Variants in SLC22A15 observed in about 807,000 individuals in gnomAD.
SLC22A15 encodes flipt 1.
SLC22A15 carries 45 observed loss-of-function variants against 62.7 expected under a neutral mutation model. The observed-to-expected ratio is 0.72, with a 90% CI of 0.56 to 0.92. The LOEUF is 0.92. Among genes scored for constraint, SLC22A15 ranks in the 40% least tolerant of loss-of-function variants. The probability of loss-of-function intolerance (pLI) is 0.00; values close to 1 mark genes in which losing one functional copy is unlikely to be tolerated. For synonymous variants in SLC22A15, 264 were observed against 267.0 expected (o/e 0.99, Z 0.11); for missense variants, 622 against 665.6 (o/e 0.93, Z 0.72).
Position 116,067,039 on chromosome 1 carries a change from T to C in SLC22A15, c.1575T>C (p.Ser525=), listed in dbSNP as rs761023649. Residue 525 remains serine (S), a synonymous_variant, in exon 12 of 12, where the codon TCT becomes TCC. Transcript: ENST00000369503. The part of the protein sequence containing the change: ...DPQQCVDKES[S]LGSESEEEEE... Reference sequence around the variant, plus strand: ...TTCAGTGTGTGGACAAGGAGAGCTCTTTAGGGAGTGAGAGTGAGGAAGAGG... The same window carrying C: ...TTCAGTGTGTGGACAAGGAGAGCTCCTTAGGGAGTGAGAGTGAGGAAGAGG... 1.9e-6 allele frequency: 3 copies of C among 1,612,362 alleles called. No individual in the cohort carries two copies. The highest frequency in any genetic ancestry group is 2.2e-5 in the South Asian group (2 of 90,516).
chr1:116,007,087 A>C (rs1656019982), intron 2 of SLC22A15, among the ~76,000 whole-genome samples: 1 of 152,230 alleles, frequency 6.6e-6, no homozygotes, highest in South Asian at 2.1e-4. Flanking sequence ...CATGATATAG[A>C]GGTACACATT....
Position 116,069,104 on chromosome 1 carries a change from T to C in SLC22A15, c.*1996T>C. On this transcript the variant is annotated 3_prime_UTR_variant, in exon 12 of 12. Coordinates refer to ENST00000369503, the MANE Select transcript of SLC22A15 (RefSeq NM_018420.3). ...TTGCCTCTGGCTAATAGAGTTCAAT[T>C]AGTTCTATCCCTGGGTTTCCTTTCT... 1 of 152,196 alleles carries C rather than the reference T, an allele frequency of 6.6e-6. No individual in the cohort carries two copies. The highest frequency in any genetic ancestry group is 1.9e-4 in the East Asian group (1 of 5,192). 9.4% of individuals were successfully genotyped at this position (152,196 alleles called of 1,614,324 possible).
chr1:116,043,173 C>T (rs1657835323), intron 8 of SLC22A15, among the ~76,000 whole-genome samples: 1 of 152,156 alleles, frequency 6.6e-6, no homozygotes, highest in Admixed American at 6.5e-5. Context: ...CCTGTAATCC[C>T]AGCACTTTGG....
chr1:116,020,946 C>G (rs1656803229), intron 4 of SLC22A15, 61 bp downstream of exon 4: 1 of 1,456,394 alleles, frequency 6.9e-7, no homozygotes, highest in African/African-American at 1.4e-5. Context: ...TTTATAGGGA[C>G]CCAGTTTAAT....
chr1:116,037,341 T>C lies in SLC22A15; in HGVS notation c.1124T>C (p.Leu375Pro). 2 of 1,613,444 alleles carry C rather than the reference T, an allele frequency of 1.2e-6. No individual in the cohort carries two copies. The highest frequency in any genetic ancestry group is 1.1e-5 in the South Asian group (1 of 91,076). The change falls in exon 8 of 12, where the codon CTA (leucine) becomes CCA (proline). Residue 375 changes from leucine (L) to proline (P), a missense_variant. Transcript: ENST00000369503. The stretch of plus-strand genomic sequence containing the variant: ...CGAACATTATCAGCATTTCTGTGCC[T>C]AGGAGGACTGGCTTGTCTTATTGTA... ...RKRTLSAFLC[L>P]GGLACLIVMF...
chr1:116,037,177 A>G, intron 7 of SLC22A15, 126 bp from the exon 8 acceptor site: 2 of 761,604 alleles, frequency 2.6e-6, no homozygotes, highest in Non-Finnish European at 4.4e-6. Flanking sequence ...CACATTTGCC[A>G]CTTAGCCTTA....
intron 8 of SLC22A15, among the ~76,000 whole-genome samples, chr1:116,060,220 G>C (rs1658344427): frequency 6.6e-6 from 1 of 152,236 alleles, no homozygotes; most frequent in Non-Finnish European, 1.5e-5. Context: ...AAAACTGTCT[G>C]AAATGGACAT....
At position 116,058,076 on chromosome 1, in the gene SLC22A15, GAAAA is replaced by G. The variant is rs902502758; in HGVS notation, c.1172-4680_1172-4677del. ...GTATAATAATAATAATAATAATACT[GAAAA>G]AAAAAGAAAACAGACTAATACATAA... On this transcript the variant is annotated intron_variant, in intron 8 of 11. Coordinates refer to ENST00000369503, the MANE Select transcript of SLC22A15 (RefSeq NM_018420.3). 4.3e-4 allele frequency among the ~76,000 whole-genome samples: 55 copies of G among 127,002 alleles called. 1 individual carries two copies. The highest frequency in any genetic ancestry group is 1.8e-4 in the Non-Finnish European group (10 of 55,812). 83.3% of individuals were successfully genotyped at this position (127,002 alleles called of 152,430 possible). A position where few individuals can be genotyped will look rare whatever the true frequency, so the allele number is the denominator to read the frequency against.
At chr1:115,999,924 C>T (rs1229132522) in intron 2 of SLC22A15, among the ~76,000 whole-genome samples, 3 of 151,980 alleles carry the variant, frequency 2.0e-5, no homozygotes, top group Non-Finnish European at 4.4e-5. Context: ...TATAGCTATT[C>T]CTGCCCTTTT....
chr1:116,052,924 G>C (rs1557906644), intron 8 of SLC22A15, among the ~76,000 whole-genome samples: 1 of 152,008 alleles, frequency 6.6e-6, no homozygotes, highest in Admixed American at 6.6e-5. Context: ...CATCATCAAA[G>C]ACCAAAAGTA....
chr1:116,060,161 C>T (rs1029484382), intron 8 of SLC22A15, among the ~76,000 whole-genome samples: 2 of 152,162 alleles, frequency 1.3e-5, no homozygotes, highest in Non-Finnish European at 2.9e-5. Context: ...GCCCAGCAGC[C>T]CCACAGGCAG....
At chr1:116,025,941 T>G (rs1037222650) in intron 4 of SLC22A15, among the ~76,000 whole-genome samples, 2 of 152,204 alleles carry the variant, frequency 1.3e-5, no homozygotes, top group African/African-American at 4.8e-5. Flanking sequence ...AGCGTAAGGT[T>G]CTTTACAATT....
chr1:115,997,197 T>C (rs1011635023), intron 2 of SLC22A15, among the ~76,000 whole-genome samples: 12 of 152,312 alleles, frequency 7.9e-5, no homozygotes, highest in Admixed American at 7.8e-4. Flanking sequence ...TATAGCTCTG[T>C]AGCATAATTT....
At chr1:116,019,806 C>T (rs1032000504) in intron 3 of SLC22A15, 92 bp downstream of exon 3, 3 of 1,362,914 alleles carry the variant, frequency 2.2e-6, no homozygotes, top group African/African-American at 2.9e-5. Flanking sequence ...CCTTAAGGTT[C>T]TCCGGGAATT....
intron 1 of SLC22A15, among the ~76,000 whole-genome samples, chr1:115,985,714 C>G (rs529013158): frequency 6.6e-6 from 1 of 151,634 alleles, no homozygotes; most frequent in South Asian, 2.1e-4. Context: ...TTTGGCAGGC[C>G]GAGACAGGTG....
chr1:116,059,669 A>ATG (rs2101563183), intron 8 of SLC22A15, among the ~76,000 whole-genome samples: 1 of 152,316 alleles, frequency 6.6e-6, no homozygotes, highest in African/African-American at 2.4e-5. Context: ...TACCCCATTT[A>ATG]TGTATCATAG....
chr1:115,978,069 C>T (rs1461981178), intron 1 of SLC22A15, among the ~76,000 whole-genome samples: 4 of 152,102 alleles, frequency 2.6e-5, no homozygotes, highest in Non-Finnish European at 4.4e-5. Context: ...TATTTAATAC[C>T]GAGAAAGAAG....
intron 4 of SLC22A15, 109 bp from the exon 5 acceptor site, chr1:116,026,784 G>C: frequency 7.4e-7 from 1 of 1,342,578 alleles, no homozygotes; most frequent in Non-Finnish European, 1.0e-6. Context: ...ATAGTTGCCA[G>C]CATAGGGCTG....
At chr1:116,019,092 A>G (rs556153298) in intron 2 of SLC22A15, among the ~76,000 whole-genome samples, 3 of 152,350 alleles carry the variant, frequency 2.0e-5, no homozygotes, top group East Asian at 3.8e-4. Context: ...ATGCCTGGAA[A>G]TGGAATTGCC....
Sources: gnomAD v4.1 joint callset for allele counts (sites outside exome capture counted in the v4.1 genomes callset) on GRCh38, gnomAD v4.1.1 for gene constraint, MANE v1.5 for transcripts, NCBI Gene and HGNC (gene_info 2026-07-23, HGNC 2026-07-21) for gene names.